The following RAP1GDS1 variants were observed in gnomAD, a reference collection of about 807,000 sequenced individuals.
RAP1GDS1 encodes RAP1, GTP-GDP dissociation stimulator 1.
Under a neutral mutation model 71.1 loss-of-function variants are expected in RAP1GDS1, and 35 were observed. That is an observed-to-expected ratio of 0.49 (90% confidence interval 0.38 to 0.65). The LOEUF (loss-of-function observed/expected upper bound fraction) is 0.65, where lower values mean the gene tolerates loss of function less well. RAP1GDS1 is among the 30% of genes least tolerant of loss of function. The pLI, the probability that RAP1GDS1 is intolerant of heterozygous loss-of-function variation, is 0.00. For missense variants in RAP1GDS1, 663 were observed against 706.1 expected (o/e 0.94, Z 0.69); for synonymous variants, 229 against 243.1 (o/e 0.94, Z 0.54).
intron 6 of RAP1GDS1, among the ~76,000 whole-genome samples, chr4:98,399,795 G>C (rs1745104939): frequency 1.3e-5 from 2 of 152,050 alleles, no homozygotes; most frequent in African/African-American, 2.4e-5. Flanking sequence ...TCCTGGTGAG[G>C]ATGTGGAGAA....
At position 98,273,416 on chromosome 4, in the gene RAP1GDS1, CA is replaced by C. The variant is rs78824228; in HGVS notation, c.4+11848del. 1.2e-4 allele frequency among the ~76,000 whole-genome samples: 18 copies of C among 152,122 alleles called. No homozygotes were observed. In the East Asian group the frequency reaches 3.5e-3, roughly 29 times the overall value. ...TATATGAGAGAACATAAATGTCCAT[CA>C]TTTTTTTTACTACATTTGAAATATG... On this transcript the variant is annotated intron_variant, in intron 1 of 14. Coordinates refer to ENST00000408927, the MANE Select transcript of RAP1GDS1 (RefSeq NM_001100427.2).
chr4:98,412,131 A>G (rs1747158682), intron 7 of RAP1GDS1, among the ~76,000 whole-genome samples: 1 of 152,208 alleles, frequency 6.6e-6, no homozygotes, highest in African/African-American at 2.4e-5. Flanking sequence ...TGATAAGCTG[A>G]AGCTGCCATT....
chr4:98,290,170 A>G (rs371301719), intron 1 of RAP1GDS1, among the ~76,000 whole-genome samples: 1 of 152,262 alleles, frequency 6.6e-6, no homozygotes, highest in East Asian at 1.9e-4. Context: ...CATATAGTAA[A>G]GTGATAGAAT....
At chr4:98,263,002 T>C (rs1722245006) in intron 1 of RAP1GDS1, among the ~76,000 whole-genome samples, 2 of 152,212 alleles carry the variant, frequency 1.3e-5, no homozygotes, top group Non-Finnish European at 2.9e-5. Context: ...AAAAATTGGG[T>C]GGCCCATTTA....
chr4:98,269,239 A>G (rs1373473444), intron 1 of RAP1GDS1, among the ~76,000 whole-genome samples: 1 of 151,490 alleles, frequency 6.6e-6, no homozygotes, highest in East Asian at 1.9e-4. Flanking sequence ...TTCAATAAAC[A>G]CTGTTGTTAA....
intron 6 of RAP1GDS1, chr4:98,396,530 A>G (rs1744576827): frequency 1.3e-5 from 2 of 152,238 alleles, no homozygotes; most frequent in Admixed American, 1.3e-4. Context: ...ATGTTAAAAG[A>G]TAAATATGCA....
chr4:98,340,279 G>A (rs552132656), intron 2 of RAP1GDS1, among the ~76,000 whole-genome samples: 1 of 152,208 alleles, frequency 6.6e-6, no homozygotes, highest in African/African-American at 2.4e-5. Context: ...GCCCATCGAT[G>A]GTATACTGGA....
At chr4:98,430,299 T>C (rs975519365) in intron 12 of RAP1GDS1, among the ~76,000 whole-genome samples, 1 of 152,210 alleles carries the variant, frequency 6.6e-6, no homozygotes, top group African/African-American at 2.4e-5. Context: ...CCTTTACATA[T>C]CTTTCCTACA....
rs764144536 is a variant in RAP1GDS1, at chr4:98,378,865, G to GT, written c.362-145dup. 3.0e-4 allele frequency: 207 copies of GT among 698,040 alleles called. 1 individual carries two copies. The highest frequency in any genetic ancestry group is 1.0e-3 in the Admixed American group (24 of 23,586). 43.2% of individuals were successfully genotyped at this position (698,040 alleles called of 1,614,324 possible). A position where few individuals can be genotyped will look rare whatever the true frequency, so the allele number is the denominator to read the frequency against. ...CCCCATTTCCATGTTTATTTCTTTTGTTTTTTTCTGAAAAGACATATTTAA... is the reference window on the plus strand; with the variant it reads ...CCCCATTTCCATGTTTATTTCTTTTGTTTTTTTTCTGAAAAGACATATTTAA... On this transcript the variant is annotated intron_variant, in intron 4 of 14. Transcript: ENST00000408927.
rs558439612 is a variant in RAP1GDS1 at position 98,339,401 on chromosome 4, T to C, written c.113-3738T>C. ...TATAATTTGTAGGCATTCTCAAACA[T>C]TTTTGTCACTGCACCTAGATGTGAA... On this transcript the variant is annotated intron_variant, in intron 2 of 14. Coordinates refer to ENST00000408927, the MANE Select transcript of RAP1GDS1 (RefSeq NM_001100427.2). Among the ~76,000 whole-genome samples the C allele has an allele frequency of 1.1e-3, 172 of 152,278 alleles. 1 individual carries two copies. In the South Asian group the frequency reaches 0.018, roughly 16 times the overall value.
intron 1 of RAP1GDS1, among the ~76,000 whole-genome samples, chr4:98,279,661 C>G (rs1724766446): frequency 6.6e-6 from 1 of 152,086 alleles, no homozygotes; most frequent in South Asian, 2.1e-4. Flanking sequence ...GCACAACGTA[C>G]AGGTTTGTTA....
chr4:98,441,586 T>G (rs1751872353), intron 14 of RAP1GDS1: 1 of 985,044 alleles, frequency 1.0e-6, no homozygotes, highest in Non-Finnish European at 1.2e-6. Flanking sequence ...TTGTAGAACT[T>G]GACGTCTCGT....
At chr4:98,356,260 C>T (rs934771598) in intron 4 of RAP1GDS1, among the ~76,000 whole-genome samples, 1 of 152,004 alleles carries the variant, frequency 6.6e-6, no homozygotes, top group Non-Finnish European at 1.5e-5. Flanking sequence ...TTTACACTTC[C>T]TTTTCAAAGG....
At chr4:98,438,167 G>A (rs9884594) in intron 14 of RAP1GDS1, among the ~76,000 whole-genome samples, 71,585 of 151,656 alleles carry the variant, frequency 0.47, 19,686 homozygotes, top group African/African-American at 0.78. Flanking sequence ...TCATTATATA[G>A]TGTACCTCTC....
chr4:98,295,687 G>C (rs1388065371), intron 2 of RAP1GDS1, among the ~76,000 whole-genome samples: 1 of 152,032 alleles, frequency 6.6e-6, no homozygotes, highest in South Asian at 2.1e-4. Context: ...GAAGCTTTTT[G>C]CTGAGTTCAT....
chr4:98,379,707 A>G (rs1309446836), intron 5 of RAP1GDS1, among the ~76,000 whole-genome samples: 1 of 151,894 alleles, frequency 6.6e-6, no homozygotes, highest in African/African-American at 2.4e-5. Flanking sequence ...GAAACAAGTG[A>G]TGTATCAATA....
At chr4:98,325,420 G>A (rs1371234500) in intron 2 of RAP1GDS1, among the ~76,000 whole-genome samples, 1 of 151,406 alleles carries the variant, frequency 6.6e-6, no homozygotes, top group African/African-American at 2.4e-5. Context: ...TCCCATTACT[G>A]GGTATATACC....
chr4:98,281,066 T>C (rs1725010860), intron 1 of RAP1GDS1, among the ~76,000 whole-genome samples: 1 of 152,252 alleles, frequency 6.6e-6, no homozygotes, highest in South Asian at 2.1e-4. Flanking sequence ...TTTGTTCTTT[T>C]TGCATAGGAT....
chr4:98,312,841 G>A (rs1042283541), intron 2 of RAP1GDS1, among the ~76,000 whole-genome samples: 10 of 151,706 alleles, frequency 6.6e-5, no homozygotes, highest in East Asian at 3.9e-4. Context: ...AGGCTGAGGC[G>A]GGTGGATCGC....
Sources: gnomAD v4.1 joint callset for allele counts (sites outside exome capture counted in the v4.1 genomes callset) on GRCh38, gnomAD v4.1.1 for gene constraint, MANE v1.5 for transcripts, NCBI Gene and HGNC (gene_info 2026-07-23, HGNC 2026-07-21) for gene names.